CILP: variants seen among roughly 807,000 people sequenced by gnomAD.
The protein encoded by CILP is cartilage intermediate layer protein 1.
A neutral mutation model predicts 82.5 loss-of-function variants in CILP; 75 were observed. The ratio of observed to expected loss-of-function variants is 0.91; its 90% CI spans 0.75 to 1.10. The LOEUF is 1.10. Ranked by LOEUF, CILP falls within the 50% of genes least tolerant of loss-of-function variation. CILP has a pLI of 0.00. For missense variants in CILP, 1,479 were observed against 1,530.8 expected, an observed-to-expected ratio of 0.97 and a Z score of 0.56; for synonymous variants, 530 against 580.3, an observed-to-expected ratio of 0.91 and a Z score of 1.25.
chr15:65,198,371 GGGC>G lies in CILP; in HGVS notation c.1912_1914del (p.Ala638del), dbSNP rs1566993313. On this transcript the variant is annotated inframe_deletion, in exon 9 of 9. Coordinates refer to ENST00000261883, the MANE Select transcript of CILP (RefSeq NM_003613.4). ...TCATTGATGAAGTTCAGGTCAGTCT[GGGC>G]AGCTGTGGCTGTGGAAATATTCCGG... The G allele has an allele frequency of 1.2e-6, 2 of 1,614,248 alleles. No homozygotes were observed. The highest frequency in any genetic ancestry group is 3.3e-5 in the Admixed American group (2 of 60,034).
At chr15:65,211,320 T>TG in intron 1 of CILP, 108 bp downstream of exon 1, 1 of 140,460 alleles carries the variant, frequency 7.1e-6, no homozygotes, top group Non-Finnish European at 1.6e-5. Context: ...CAGCAAAAAG[T>TG]GGGGGGAAGT....
chr15:65,208,915 C>A (rs190104271), intron 2 of CILP, among the ~76,000 whole-genome samples: 1 of 151,138 alleles, frequency 6.6e-6, no homozygotes. Flanking sequence ...AGGAGGCAGG[C>A]ACATACAGGG....
At position 65,198,771 on chromosome 15, in the gene CILP, C is replaced by T. The variant is rs1424453070; in HGVS notation, c.1515G>A (p.Met505Ile). 1.9e-6 allele frequency: 3 copies of T among 1,614,160 alleles called. No homozygotes were observed. Among genetic ancestry groups the T allele is most frequent in the South Asian group, 2.2e-5 (2 of 91,086 alleles). ...RVSAADNGEPMRFGHVYMGNS... is the reference protein window; with the variant it reads ...RVSAADNGEPIRFGHVYMGNS... ...TCCCCATGTACACATGGCCAAAGCG[C>T]ATGGGCTCCCCATTGTCAGCAGCAC... The change falls in exon 9 of 9, where the codon ATG becomes ATA. Residue 505 changes from methionine to isoleucine, a missense_variant. Transcript: ENST00000261883.
Position 65,196,651 on chromosome 15 carries a change from A to G in CILP, c.*80T>C. The G allele has an allele frequency of 7.9e-7, 1 of 1,263,800 alleles. No individual in the cohort carries two copies. Among genetic ancestry groups the G allele is most frequent in the Non-Finnish European group, 1.1e-6 (1 of 918,782 alleles). The allele number at this position is 1,263,800 out of a possible 1,614,324, so 78.3% of individuals were successfully genotyped here. A position where few individuals can be genotyped will look rare whatever the true frequency, so the allele number is the denominator to read the frequency against. On this transcript the variant is annotated 3_prime_UTR_variant, in exon 9 of 9. Transcript: ENST00000261883. ...CACGAAAACAGAAGTGCTTAAATTA[A>G]CCAAGTGACAGTTTGTGCATCAGTC...
rs10634666 is a variant in CILP at position 65,202,834 on chromosome 15, C to CTTTTTTTTT, written c.1028+519_1028+527dup. 3.2e-3 allele frequency among the ~76,000 whole-genome samples: 377 copies of CTTTTTTTTT among 117,556 alleles called. 6 individuals carry two copies. Among genetic ancestry groups the CTTTTTTTTT allele is most frequent in the East Asian group, 5.5e-3 (23 of 4,200 alleles). 77.1% of individuals were successfully genotyped at this position (117,556 alleles called of 152,430 possible). On this transcript the variant is annotated intron_variant, in intron 7 of 8. Transcript: ENST00000261883. ...CCAGAGATGCTCCAGGGGACCACAG[C>CTTTTTTTTT]TTTTTTTTTTTTTTTTTTTGAGACA...
intron 2 of CILP, 141 bp from the exon 3 acceptor site, chr15:65,207,905 C>T (rs2088535988): frequency 4.5e-6 from 3 of 671,640 alleles, no homozygotes; most frequent in East Asian, 2.7e-5. Context: ...CTACTTATTG[C>T]TGTGCAATCT....
At chr15:65,208,124 G>A (rs1029602533) in intron 2 of CILP, among the ~76,000 whole-genome samples, 1 of 152,194 alleles carries the variant, frequency 6.6e-6, no homozygotes, top group African/African-American at 2.4e-5. Context: ...AGTGGCCTGG[G>A]ACTCCTGCTT....
At position 65,205,627 on chromosome 15, in the gene CILP, C is replaced by A. The variant is rs565549343; in HGVS notation, c.425-161G>T. On this transcript the variant is annotated intron_variant, in intron 4 of 8. Transcript: ENST00000261883. ...TTACTGCAGTGATTTTTCCAACAGA[C>A]AAAATTCTTGAGGAAGTGAGGTCTC... is the stretch of plus-strand genomic sequence containing the variant. Among the ~76,000 whole-genome samples, 204 of 152,306 alleles carry A rather than the reference C, an allele frequency of 1.3e-3. 1 individual carries two copies. The highest frequency in any genetic ancestry group is 3.8e-3 in the Admixed American group (58 of 15,304).
In CILP at chr15:65,207,084, T is replaced by A. The variant is rs757422112; in HGVS notation, c.155-33A>T. The A allele has an allele frequency of 5.0e-6, 8 of 1,593,454 alleles. No homozygotes were observed. In the Admixed American group the frequency reaches 1.3e-4, roughly 27 times the overall value. Reference sequence around the variant, plus strand: ...ACATAGCCAAATTGCGGAGGAGCCGTGATCCTGGTGCGCTCCAGTTCTCCT... The same window carrying A: ...ACATAGCCAAATTGCGGAGGAGCCGAGATCCTGGTGCGCTCCAGTTCTCCT... On this transcript the variant is annotated intron_variant, in intron 3 of 8. Transcript: ENST00000261883.
intron 6 of CILP, among the ~76,000 whole-genome samples, chr15:65,204,023 C>A (rs1177916676): frequency 6.6e-6 from 1 of 152,156 alleles, no homozygotes; most frequent in African/African-American, 2.4e-5. Context: ...CAGGAATGTG[C>A]CTGTGTGTTT....
At position 65,202,031 on chromosome 15, in the gene CILP, T is replaced by G; in HGVS notation, c.1029-2A>C. On this transcript the variant is annotated splice_acceptor_variant, in intron 7 of 8. Coordinates refer to ENST00000261883, the MANE Select transcript of CILP (RefSeq NM_003613.4). LOFTEE classifies it high-confidence loss of function. ...TCCAGCAATGTGTCATTATGATACC[T>G]GCAAGGGATGGAGAGGTAGAACCTG... The G allele has an allele frequency of 6.4e-7, 1 of 1,572,710 alleles. No individual in the cohort carries two copies. The highest frequency in any genetic ancestry group is 8.6e-7 in the Non-Finnish European group (1 of 1,159,796).
chr15:65,204,143 G>C (rs1196673523), intron 6 of CILP, 125 bp downstream of exon 6: 1 of 791,372 alleles, frequency 1.3e-6, no homozygotes, highest in Non-Finnish European at 2.0e-6. Flanking sequence ...ATAGTGCCAT[G>C]TGGGCCATGG....
chr15:65,206,859 C>T lies in CILP; in HGVS notation c.347G>A (p.Gly116Asp), dbSNP rs1200303555. Residue 116 changes from glycine (G) to aspartate (D), a missense_variant, in exon 4 of 9, where the codon GGT becomes GAT. Transcript: ENST00000261883. ...GQVVHGSPRE[G>D]FWCLNREQRP... ...CTGCTCCCTGTTGAGGCACCAGAAA[C>T]CCTCACGGGGACTACCATGGACCAC... The T allele has an allele frequency of 1.2e-6, 2 of 1,614,102 alleles. No homozygotes were observed. Among genetic ancestry groups the T allele is most frequent in the Non-Finnish European group, 1.7e-6 (2 of 1,180,014 alleles).
intron 5 of CILP, 28 bp downstream of exon 5, chr15:65,205,259 T>C (rs755208187): frequency 2.5e-6 from 4 of 1,575,400 alleles, no homozygotes; most frequent in South Asian, 1.1e-5. Flanking sequence ...CACCACACCC[T>C]GCCCAGTGCC....
Position 65,198,159 on chromosome 15 carries a change from C to T in CILP, c.2127G>A (p.Glu709=). The T allele has an allele frequency of 6.2e-7, 1 of 1,614,244 alleles. No homozygotes were observed. Among genetic ancestry groups the T allele is most frequent in the Non-Finnish European group, 8.5e-7 (1 of 1,180,048 alleles). ...TTTCAAATTTGAAATCACCTTCCTCCTCCCACAGCCCTGTGTCTGGATTGA... is the reference window on the plus strand; with the variant it reads ...TTTCAAATTTGAAATCACCTTCCTCTTCCCACAGCCCTGTGTCTGGATTGA... The part of the protein sequence containing the change: ...WSLNPDTGLW[E]EEGDFKFENQ... The change falls in exon 9 of 9, where the codon GAG becomes GAA. Residue 709 remains glutamate, a synonymous_variant. Transcript: ENST00000261883.
chr15:65,199,766 T>G (rs2088427474), intron 8 of CILP, among the ~76,000 whole-genome samples: 1 of 152,246 alleles, frequency 6.6e-6, no homozygotes, highest in South Asian at 2.1e-4. Context: ...AATGCTGCAG[T>G]TAGCCGTGAG....
intron 3 of CILP, 53 bp downstream of exon 3, chr15:65,207,618 GA>G (rs1429614941): frequency 4.6e-6 from 7 of 1,512,816 alleles, no homozygotes; most frequent in African/African-American, 1.4e-5. Context: ...ATCCACTTCG[GA>G]AGCTCGTTAA....
Position 65,196,020 on chromosome 15 carries a change from A to G in CILP, c.*711T>C, listed in dbSNP as rs963570231. On this transcript the variant is annotated 3_prime_UTR_variant, in exon 9 of 9. Coordinates refer to ENST00000261883, the MANE Select transcript of CILP (RefSeq NM_003613.4). ...TGGCCTCAGAATCGAAATACAGAGT[A>G]TGCATTTATTGACATCTGCCCTGGG... 6.6e-6 allele frequency: 1 copy of G among 152,242 alleles called. No individual in the cohort carries two copies. The highest frequency in any genetic ancestry group is 1.5e-5 in the Non-Finnish European group (1 of 68,064). 9.4% of individuals were successfully genotyped at this position (152,242 alleles called of 1,614,324 possible).
chr15:65,201,840 C>T, intron 8 of CILP, 32 bp downstream of exon 8: 1 of 1,451,064 alleles, frequency 6.9e-7, no homozygotes, highest in Non-Finnish European at 9.1e-7. Context: ...CTGTTGCAGA[C>T]CCAGGGGCCC....
Sources: allele counts gnomAD v4.1 joint callset (sites outside exome capture counted in the v4.1 genomes callset), GRCh38; gene constraint gnomAD v4.1.1; transcripts MANE v1.5; gene names NCBI Gene and HGNC (gene_info 2026-07-23, HGNC 2026-07-21).